The following GRID2 variants were observed in gnomAD, a reference collection of about 807,000 sequenced individuals.
GRID2 encodes the protein glutamate receptor ionotropic, delta-2.
In GRID2, 33 loss-of-function variants were observed where a neutral mutation model predicts 114.8. The observed-to-expected ratio is 0.29, with a 90% CI of 0.22 to 0.38. The LOEUF (loss-of-function observed/expected upper bound fraction) is 0.38, where lower values mean the gene tolerates loss of function less well. Ranked by LOEUF, GRID2 falls within the 10% of genes least tolerant of loss-of-function variation. GRID2 has a pLI of 1.00. For synonymous variants in GRID2, 505 were observed against 449.9 expected (o/e 1.12, Z -1.55); for missense variants, 1,184 against 1,257.7 (o/e 0.94, Z 0.89).
intron 1 of GRID2, among the ~76,000 whole-genome samples, chr4:92,384,231 T>C (rs1350426312): frequency 6.7e-6 from 1 of 150,094 alleles, no homozygotes; most frequent in East Asian, 2.0e-4. Flanking sequence ...TTGTTTCTTT[T>C]GTTTACTGCT....
intron 4 of GRID2, among the ~76,000 whole-genome samples, chr4:93,146,724 T>A (rs927419957): frequency 2.0e-5 from 3 of 152,126 alleles, no homozygotes; most frequent in African/African-American, 7.2e-5. Flanking sequence ...AATCTTATAC[T>A]TATAAATATT....
chr4:92,657,995 T>C (rs1732330215), intron 2 of GRID2, among the ~76,000 whole-genome samples: 1 of 151,780 alleles, frequency 6.6e-6, no homozygotes, highest in South Asian at 2.1e-4. Flanking sequence ...CTATGGACTT[T>C]GCTAATATAT....
intron 2 of GRID2, among the ~76,000 whole-genome samples, chr4:92,787,680 A>G (rs1739382886): frequency 6.6e-6 from 1 of 151,938 alleles, no homozygotes; most frequent in African/African-American, 2.4e-5. Context: ...GATGTTGCCC[A>G]GAGAGGTACA....
chr4:93,311,530 GA>G (rs1441759102), intron 8 of GRID2, among the ~76,000 whole-genome samples: 1 of 152,046 alleles, frequency 6.6e-6, no homozygotes, highest in Non-Finnish European at 1.5e-5. Context: ...TGTATAGCAA[GA>G]AAAAAAATGA....
At chr4:92,644,334 A>G (rs1358702070) in intron 2 of GRID2, among the ~76,000 whole-genome samples, 1 of 151,808 alleles carries the variant, frequency 6.6e-6, no homozygotes, top group African/African-American at 2.4e-5. Flanking sequence ...TTTGATATCA[A>G]TATGCTTCTC....
At chr4:92,360,734 G>A (rs1459003466) in intron 1 of GRID2, among the ~76,000 whole-genome samples, 1 of 151,802 alleles carries the variant, frequency 6.6e-6, no homozygotes, top group Non-Finnish European at 1.5e-5. Context: ...AAGAAGCAGA[G>A]GTATGGAAGA....
chr4:92,344,375 C>T (rs939946108), intron 1 of GRID2, among the ~76,000 whole-genome samples: 3 of 152,170 alleles, frequency 2.0e-5, no homozygotes, highest in African/African-American at 7.2e-5. Context: ...TAACCACTTT[C>T]TTCCCTATGA....
At chr4:93,681,820 A>C (rs1725575609) in intron 14 of GRID2, among the ~76,000 whole-genome samples, 1 of 152,168 alleles carries the variant, frequency 6.6e-6, no homozygotes, top group African/African-American at 2.4e-5. Flanking sequence ...CTAAAACCAT[A>C]AAAACCCTAG....
intron 1 of GRID2, among the ~76,000 whole-genome samples, chr4:93,794,239 G>T (rs1561006005): frequency 6.6e-6 from 1 of 152,156 alleles, no homozygotes; most frequent in Admixed American, 6.5e-5. Flanking sequence ...TATTTCCAGG[G>T]AGACAGGGCA....
At chr4:92,629,809 G>T (rs1730706984) in intron 2 of GRID2, among the ~76,000 whole-genome samples, 1 of 145,554 alleles carries the variant, frequency 6.9e-6, no homozygotes, top group East Asian at 2.0e-4. Context: ...TTACTGGGAA[G>T]AACAGGGAAG....
intron 1 of GRID2, among the ~76,000 whole-genome samples, chr4:92,506,768 A>G (rs1180064234): frequency 6.6e-6 from 1 of 151,978 alleles, no homozygotes; most frequent in Non-Finnish European, 1.5e-5. Context: ...AATAATATAC[A>G]TTCACCTCCT....
intron 14 of GRID2, among the ~76,000 whole-genome samples, chr4:93,757,493 G>A (rs546838688): frequency 6.6e-6 from 1 of 152,172 alleles, no homozygotes; most frequent in African/African-American, 2.4e-5. Context: ...ACTCCAAAAT[G>A]TTGTTCCTAA....
rs1229725224 is a variant in GRID2, at chr4:92,869,538, A to C, written c.245-215457A>C. Among the ~76,000 whole-genome samples the C allele has an allele frequency of 3.9e-5, 6 of 152,206 alleles. No homozygotes were observed. In the South Asian group the frequency reaches 6.2e-4, roughly 16 times the overall value. ...CATCTTTGTGTCCTTGGTGTCCAAA[A>C]CATGGTAGATCTAACATTCTTTTTT... On this transcript the variant is annotated intron_variant, in intron 2 of 15. Transcript: ENST00000282020.
intron 9 of GRID2, among the ~76,000 whole-genome samples, chr4:93,418,404 T>C: frequency 6.6e-6 from 1 of 152,068 alleles, no homozygotes; most frequent in East Asian, 1.9e-4. Context: ...TAATTGTCTT[T>C]TCTAATTCTC....
intron 2 of GRID2, among the ~76,000 whole-genome samples, chr4:93,023,242 T>C (rs1723565437): frequency 6.6e-6 from 1 of 152,028 alleles, no homozygotes; most frequent in South Asian, 2.1e-4. Context: ...TATTGCTGGC[T>C]GTATTTTCCT....
intron 8 of GRID2, among the ~76,000 whole-genome samples, chr4:93,344,308 G>A (rs2149250896): frequency 6.6e-6 from 1 of 152,086 alleles, no homozygotes; most frequent in Middle Eastern, 3.4e-3. Context: ...AGGTAGACAT[G>A]ACTGGAACAT....
intron 10 of GRID2, among the ~76,000 whole-genome samples, chr4:93,433,633 CT>C (rs1720793864): frequency 6.6e-6 from 1 of 152,202 alleles, no homozygotes; most frequent in Admixed American, 6.5e-5. Context: ...CTCATCCCCA[CT>C]CCTATTGTCT....
intron 8 of GRID2, among the ~76,000 whole-genome samples, chr4:93,286,267 T>G (rs1292471532): frequency 1.3e-5 from 2 of 152,140 alleles, no homozygotes; most frequent in African/African-American, 4.8e-5. Context: ...CTGACAATAA[T>G]AAATGAACCA....
intron 1 of GRID2, among the ~76,000 whole-genome samples, chr4:92,517,002 A>G (rs1187754318): frequency 1.3e-5 from 2 of 151,972 alleles, no homozygotes. Flanking sequence ...AATCATACAG[A>G]GAGATAAAAA....
Sources: allele counts gnomAD v4.1 joint callset (sites outside exome capture counted in the v4.1 genomes callset), GRCh38; gene constraint gnomAD v4.1.1; transcripts MANE v1.5; gene names NCBI Gene and HGNC (gene_info 2026-07-23, HGNC 2026-07-21).